The following RABEP1 variants were observed in gnomAD, a reference collection of about 807,000 sequenced individuals.
RABEP1 encodes the protein rab GTPase-binding effector protein 1.
In RABEP1, 51 loss-of-function variants were observed where a neutral mutation model predicts 123.4. The observed-to-expected ratio is 0.41, with a 90% CI of 0.33 to 0.52. The LOEUF is 0.52. Ranked by LOEUF, RABEP1 falls within the 20% of genes least tolerant of loss-of-function variation. The pLI, the probability that RABEP1 is intolerant of heterozygous loss-of-function variation, is 0.16. For synonymous variants in RABEP1, 347 were observed against 355.2 expected (o/e 0.98, Z 0.26); for missense variants, 888 against 996.3 (o/e 0.89, Z 1.46).
At chr17:5,340,773 C>G (rs1031149533) in intron 5 of RABEP1, among the ~76,000 whole-genome samples, 1 of 151,108 alleles carries the variant, frequency 6.6e-6, no homozygotes, top group Non-Finnish European at 1.5e-5. Context: ...GTAGTGAAAC[C>G]CCATCTCTAC....
intron 1 of RABEP1, among the ~76,000 whole-genome samples, chr17:5,282,991 C>T (rs926085743): frequency 2.0e-5 from 3 of 152,016 alleles, no homozygotes; most frequent in African/African-American, 7.2e-5. Context: ...TAGTTGTGTA[C>T]AGTAACTGGA....
chr17:5,346,839 A>C lies in RABEP1; in HGVS notation c.698A>C (p.Asp233Ala). The change falls in exon 6 of 18, where the codon GAT becomes GCT. Residue 233 changes from aspartate (D) to alanine (A), a missense_variant. By Grantham distance (126) the Asp-to-Ala change is moderately radical. Transcript: ENST00000537505. ...GAAGCTGAGAAATCTTGTAGGACTG[A>C]TCTAGAGATGTATGTAGCTGTTTTG... Reference protein sequence around the residue: ...YLEAEKSCRTDLEMYVAVLNT... With the variant: ...YLEAEKSCRTALEMYVAVLNT... 3 of 1,610,162 alleles carry C rather than the reference A, an allele frequency of 1.9e-6. No homozygotes were observed. The highest frequency in any genetic ancestry group is 2.5e-6 in the Non-Finnish European group (3 of 1,177,684).
chr17:5,348,127 G>A (rs1298761546), intron 6 of RABEP1, among the ~76,000 whole-genome samples: 3 of 151,918 alleles, frequency 2.0e-5, no homozygotes, highest in East Asian at 1.9e-4. Context: ...ACAGGCATGC[G>A]CCACCATGCC....
chr17:5,350,024 G>A (rs1036670336), intron 6 of RABEP1, among the ~76,000 whole-genome samples: 13 of 152,186 alleles, frequency 8.5e-5, no homozygotes, highest in Non-Finnish European at 1.6e-4. Flanking sequence ...TCCAGCCAAG[G>A]ACAGAATCCT....
chr17:5,373,693 A>AAC (rs55736303), intron 13 of RABEP1, among the ~76,000 whole-genome samples: 11,848 of 135,162 alleles, frequency 0.088, 557 homozygotes, highest in Non-Finnish European at 0.11. Context: ...ACACCAGCTA[A>AAC]ACACACACAC....
intron 2 of RABEP1, among the ~76,000 whole-genome samples, chr17:5,317,045 C>T (rs55816413): frequency 0.17 from 25,591 of 151,820 alleles, 2,248 homozygotes; most frequent in Middle Eastern, 0.22. Context: ...GCTGGAATTA[C>T]GGGCACCTGC....
In RABEP1 at chr17:5,361,320, G is replaced by A; in HGVS notation, c.1208G>A (p.Arg403Lys). 1.2e-6 allele frequency: 2 copies of A among 1,614,162 alleles called. No homozygotes were observed. The highest frequency in any genetic ancestry group is 8.5e-7 in the Non-Finnish European group (1 of 1,180,040). ...AATGACATGTTTAAAGATGGACTCA[G>A]GAGAGCACAGTCTACAGACAGCTTG... ...SDNDMFKDGLRRAQSTDSLGT... is the reference protein window; with the variant it reads ...SDNDMFKDGLKRAQSTDSLGT... The change falls in exon 9 of 18, where the codon AGG becomes AAG. Residue 403 changes from arginine (R) to lysine (K), a missense_variant. Transcript: ENST00000537505.
chr17:5,314,231 A>ATTTT (rs2075272537), intron 2 of RABEP1, among the ~76,000 whole-genome samples: 3 of 35,234 alleles, frequency 8.5e-5, no homozygotes, highest in African/African-American at 2.8e-4. Context: ...CTTAGTACCT[A>ATTTT]TTCTTTTTTT....
At position 5,381,384 on chromosome 17, in the gene RABEP1, T is replaced by C. The variant is rs1363945280; in HGVS notation, c.2371-5T>C. ...TAATCTTCATTCAAAACTTGTATTTTTTAGGCTACCGTTGAACAACTAATG... is the reference window on the plus strand; with the variant it reads ...TAATCTTCATTCAAAACTTGTATTTCTTAGGCTACCGTTGAACAACTAATG... On this transcript the variant is annotated splice_region_variant and splice_polypyrimidine_tract_variant and intron_variant, in intron 16 of 17. Transcript: ENST00000537505. 1 of 1,606,210 alleles carries C rather than the reference T, an allele frequency of 6.2e-7. No individual in the cohort carries two copies. The highest frequency in any genetic ancestry group is 8.5e-7 in the Non-Finnish European group (1 of 1,177,870).
chr17:5,365,359 A>G, intron 11 of RABEP1, 121 bp downstream of exon 11: 1 of 592,828 alleles, frequency 1.7e-6, no homozygotes, highest in Non-Finnish European at 2.8e-6. Context: ...ATTTTCCCTC[A>G]GGTAAAAAGA....
intron 2 of RABEP1, among the ~76,000 whole-genome samples, chr17:5,325,178 AC>A (rs1342423903): frequency 3.3e-5 from 5 of 150,452 alleles, no homozygotes; most frequent in Non-Finnish European, 7.4e-5. Flanking sequence ...CCAAAAAAAA[AC>A]CCAAAAATTA....
At chr17:5,337,977 G>A (rs1418308610) in intron 4 of RABEP1, 42 bp from the exon 5 acceptor site, 1 of 1,559,390 alleles carries the variant, frequency 6.4e-7, no homozygotes, top group South Asian at 1.2e-5. Context: ...TAGAAAAGCA[G>A]TAAATGAATA....
rs2074932813 is a variant in RABEP1 at position 5,282,384 on chromosome 17, G to A, written c.-103G>A. 4.2e-6 allele frequency: 4 copies of A among 953,674 alleles called. No homozygotes were observed. In the South Asian group the frequency reaches 1.1e-4, roughly 27 times the overall value. The allele number at this position is 953,674 out of a possible 1,614,324, so 59.1% of individuals were successfully genotyped here. On this transcript the variant is annotated 5_prime_UTR_variant, in exon 1 of 18. Transcript: ENST00000537505. Reference sequence around the variant, plus strand: ...CTTAGCGGTTTCTCTCTGGGCGGCGGCGGCGGCGGCTCGGTTGACGCCTCC... The same window carrying A: ...CTTAGCGGTTTCTCTCTGGGCGGCGACGGCGGCGGCTCGGTTGACGCCTCC...
chr17:5,287,771 G>A (rs1487265555), intron 1 of RABEP1, among the ~76,000 whole-genome samples: 1 of 152,066 alleles, frequency 6.6e-6, no homozygotes, highest in South Asian at 2.1e-4. Flanking sequence ...AATTAGCCGG[G>A]TGTGATGGCC....
intron 1 of RABEP1, among the ~76,000 whole-genome samples, chr17:5,290,310 G>A (rs908578164): frequency 3.3e-5 from 5 of 152,210 alleles, no homozygotes; most frequent in South Asian, 2.1e-4. Context: ...GGATGGTCTC[G>A]CTCTCCTGAC....
chr17:5,368,831 C>T (rs1257784408), intron 12 of RABEP1, among the ~76,000 whole-genome samples: 6 of 152,150 alleles, frequency 3.9e-5, no homozygotes, highest in African/African-American at 7.2e-5. Context: ...TGTGATTTTC[C>T]TGGATGGCTA....
intron 13 of RABEP1, among the ~76,000 whole-genome samples, chr17:5,376,104 A>G (rs1413718125): frequency 6.6e-6 from 1 of 152,126 alleles, no homozygotes; most frequent in Non-Finnish European, 1.5e-5. Flanking sequence ...GCTTCCCAAA[A>G]GTGCTGGGAT....
intron 2 of RABEP1, among the ~76,000 whole-genome samples, chr17:5,315,871 A>G (rs1033457287): frequency 3.3e-5 from 5 of 151,970 alleles, no homozygotes; most frequent in Admixed American, 1.3e-4. Context: ...AACAAAACAA[A>G]AAGTAGTAAA....
chr17:5,337,913 TG>T, intron 4 of RABEP1, 105 bp from the exon 5 acceptor site: 1 of 1,258,068 alleles, frequency 7.9e-7, no homozygotes, highest in Non-Finnish European at 1.1e-6. Flanking sequence ...ATATAGTGTC[TG>T]GTCAAGTTAC....
Sources: gnomAD v4.1 joint callset for allele counts (sites outside exome capture counted in the v4.1 genomes callset) on GRCh38, gnomAD v4.1.1 for gene constraint, MANE v1.5 for transcripts, NCBI Gene and HGNC (gene_info 2026-07-23, HGNC 2026-07-21) for gene names.